Variants in MATCAP2 observed in about 807,000 individuals in gnomAD.
The protein encoded by MATCAP2 is putative tyrosine carboxypeptidase MATCAP2.
the MATCAP2 span, among the ~76,000 whole-genome samples, chr7:36,376,999 C>T: frequency 1.3e-5 from 2 of 152,098 alleles, no homozygotes; most frequent in Non-Finnish European, 2.9e-5. Context: ...TTTGTCTCTG[C>T]ATTTGAGATG....
the MATCAP2 span, chr7:36,335,262 G>T: frequency 8.1e-7 from 1 of 1,230,380 alleles, no homozygotes; most frequent in Admixed American, 2.0e-5. Context: ...CAATGGGCCT[G>T]TAAATTAACA....
the MATCAP2 span, among the ~76,000 whole-genome samples, chr7:36,328,675 C>G: frequency 6.6e-6 from 1 of 151,818 alleles, no homozygotes; most frequent in Non-Finnish European, 1.5e-5. Flanking sequence ...ACCCAGGAGA[C>G]GGGAGGTTGC....
At chr7:36,333,920 G>C in the MATCAP2 span, 1 of 1,614,094 alleles carries the variant, frequency 6.2e-7, no homozygotes, top group Non-Finnish European at 8.5e-7. Flanking sequence ...TTGTATTGGG[G>C]TCCTTGACAA....
the MATCAP2 span, chr7:36,334,161 C>A: frequency 6.3e-7 from 1 of 1,582,666 alleles, no homozygotes; most frequent in Non-Finnish European, 8.6e-7. Flanking sequence ...ATAATGTGTA[C>A]CTATGGAGAA....
At chr7:36,357,442 A>G in the MATCAP2 span, 2 of 1,614,130 alleles carry the variant, frequency 1.2e-6, no homozygotes, top group African/African-American at 2.7e-5. Context: ...GTAGTAGGAC[A>G]TTGTAACTAC....
At chr7:36,362,180 A>G in the MATCAP2 span, among the ~76,000 whole-genome samples, 3 of 152,236 alleles carry the variant, frequency 2.0e-5, no homozygotes, top group Admixed American at 6.5e-5. Flanking sequence ...CCTTAAAAAC[A>G]TATTTATTGC....
chr7:36,359,233 T>C, the MATCAP2 span, among the ~76,000 whole-genome samples: 1 of 152,196 alleles, frequency 6.6e-6, no homozygotes, highest in African/African-American at 2.4e-5. Context: ...TAGAGACATT[T>C]TGGTTGTCAC....
chr7:36,328,239 T>TGGGCG, the MATCAP2 span, among the ~76,000 whole-genome samples: 4 of 25,252 alleles, frequency 1.6e-4, no homozygotes, highest in Non-Finnish European at 3.7e-4. Flanking sequence ...TTTGTTTTTG[T>TGGGCG]AGGGGGGGGG....
chr7:36,332,757 G>A, the MATCAP2 span, among the ~76,000 whole-genome samples: 61,718 of 151,956 alleles, frequency 0.41, 12,996 homozygotes, highest in African/African-American at 0.49. Flanking sequence ...GTGAAATCCC[G>A]TCCCTACTAA....
the MATCAP2 span, chr7:36,325,175 G>A: frequency 1.3e-5 from 2 of 152,228 alleles, no homozygotes; most frequent in African/African-American, 2.4e-5. Flanking sequence ...TCTAGTGTTC[G>A]GTGAGCATTG....
chr7:36,383,579 C>T, the MATCAP2 span, among the ~76,000 whole-genome samples: 1 of 152,112 alleles, frequency 6.6e-6, no homozygotes. Flanking sequence ...AACCAAACAC[C>T]GCATGTTCTC....
the MATCAP2 span, among the ~76,000 whole-genome samples, chr7:36,349,059 C>T: frequency 1.3e-5 from 2 of 152,130 alleles, no homozygotes; most frequent in Non-Finnish European, 2.9e-5. Flanking sequence ...ATGCTGTGAC[C>T]GATATTTACG....
chr7:36,388,950 C>T, the MATCAP2 span, among the ~76,000 whole-genome samples: 1 of 152,166 alleles, frequency 6.6e-6, no homozygotes, highest in Non-Finnish European at 1.5e-5. Context: ...TGTCGGGGAC[C>T]CACCGGAACT....
At chr7:36,378,234 G>T in the MATCAP2 span, among the ~76,000 whole-genome samples, 4 of 152,154 alleles carry the variant, frequency 2.6e-5, no homozygotes, top group African/African-American at 7.2e-5. Flanking sequence ...CTATCTTTGT[G>T]GTTTTATCTA....
At chr7:36,359,193 T>C in the MATCAP2 span, among the ~76,000 whole-genome samples, 1 of 152,198 alleles carries the variant, frequency 6.6e-6, no homozygotes, top group African/African-American at 2.4e-5. Context: ...AGAAGGCAAT[T>C]TTACCCTCCA....
the MATCAP2 span, among the ~76,000 whole-genome samples, chr7:36,364,288 G>A: frequency 6.6e-6 from 1 of 151,858 alleles, no homozygotes; most frequent in Non-Finnish European, 1.5e-5. Context: ...AGGTTTTGCC[G>A]TGTTGCCCAG....
chr7:36,354,084 T>C, the MATCAP2 span, among the ~76,000 whole-genome samples: 2 of 152,134 alleles, frequency 1.3e-5, no homozygotes, highest in South Asian at 2.1e-4. Flanking sequence ...AAAACAGACA[T>C]CTTGAGTTTC....
the MATCAP2 span, among the ~76,000 whole-genome samples, chr7:36,349,785 G>A: frequency 1.3e-5 from 2 of 152,170 alleles, no homozygotes; most frequent in Non-Finnish European, 2.9e-5. Context: ...TGTTAATCAA[G>A]TTTTCAAAGG....
chr7:36,388,647 A>T, the MATCAP2 span, among the ~76,000 whole-genome samples: 1 of 152,216 alleles, frequency 6.6e-6, no homozygotes, highest in Non-Finnish European at 1.5e-5. Context: ...TATGTAACCT[A>T]TCTTACAATT....
Sources: allele counts gnomAD v4.1 joint callset (sites outside exome capture counted in the v4.1 genomes callset), GRCh38; gene constraint gnomAD v4.1.1; transcripts MANE v1.5; gene names NCBI Gene and HGNC (gene_info 2026-07-23, HGNC 2026-07-21).